The following MTNAP1 variants were observed in gnomAD, a reference collection of about 807,000 sequenced individuals.
The protein encoded by MTNAP1 is mitochondrial nucleoid associated protein 1, also known as mitochondrial nucleoid-associated protein 1.
At chr17:73,245,914 T>C in the MTNAP1 span, among the ~76,000 whole-genome samples, 1 of 152,200 alleles carries the variant, frequency 6.6e-6, no homozygotes, top group South Asian at 2.1e-4. Flanking sequence ...CAAGAGTTTC[T>C]GTGCATTACT....
the MTNAP1 span, among the ~76,000 whole-genome samples, chr17:73,233,568 C>T: frequency 6.6e-6 from 1 of 152,198 alleles, no homozygotes; most frequent in African/African-American, 2.4e-5. Flanking sequence ...TGGCTCACGC[C>T]TGTAATCCCA....
the MTNAP1 span, among the ~76,000 whole-genome samples, chr17:73,238,102 G>A: frequency 2.0e-5 from 3 of 151,996 alleles, no homozygotes; most frequent in African/African-American, 2.4e-5. Flanking sequence ...GGCTGGAATC[G>A]GTTAACAGGA....
At chr17:73,239,295 T>C in the MTNAP1 span, among the ~76,000 whole-genome samples, 2 of 152,156 alleles carry the variant, frequency 1.3e-5, no homozygotes, top group East Asian at 1.9e-4. Context: ...CTCTACCAAA[T>C]TGAAGGACTT....
the MTNAP1 span, chr17:73,245,219 G>A: frequency 6.2e-7 from 1 of 1,612,938 alleles, no homozygotes; most frequent in Non-Finnish European, 8.5e-7. Flanking sequence ...TTAAAGCTCT[G>A]GAACAGCAAA....
the MTNAP1 span, chr17:73,245,495 A>G: frequency 4.1e-6 from 4 of 985,398 alleles, no homozygotes; most frequent in African/African-American, 7.0e-5. Flanking sequence ...GAAGATGACA[A>G]AGTTCATCAC....
chr17:73,232,636 T>C, the MTNAP1 span: 2 of 211,686 alleles, frequency 9.4e-6, no homozygotes, highest in East Asian at 1.0e-4. Flanking sequence ...CGAGGTTCCT[T>C]GGCCGGGGGT....
chr17:73,236,640 A>G, the MTNAP1 span: 3 of 1,614,234 alleles, frequency 1.9e-6, no homozygotes, highest in East Asian at 2.2e-5. Context: ...TTCTTCAAGA[A>G]AAGAAAGCAG....
chr17:73,234,488 T>G, the MTNAP1 span, among the ~76,000 whole-genome samples: 1 of 151,854 alleles, frequency 6.6e-6, no homozygotes, highest in African/African-American at 2.4e-5. Flanking sequence ...GTCAGGAGAT[T>G]GAGACCATCC....
chr17:73,242,609 T>C, the MTNAP1 span, among the ~76,000 whole-genome samples: 3 of 152,168 alleles, frequency 2.0e-5, no homozygotes, highest in African/African-American at 4.8e-5. Flanking sequence ...CCCACATTGA[T>C]TGTGCCTCCT....
chr17:73,245,224 A>C, the MTNAP1 span: 1 of 1,613,094 alleles, frequency 6.2e-7, no homozygotes. Context: ...GCTCTGGAAC[A>C]GCAAAGGGCG....
the MTNAP1 span, chr17:73,247,128 T>G: frequency 1.2e-5 from 10 of 861,612 alleles, no homozygotes; most frequent in East Asian, 2.6e-5. Flanking sequence ...GCCCTGCTCA[T>G]TTGGTTAGGT....
chr17:73,232,673 G>C, the MTNAP1 span: 11 of 215,012 alleles, frequency 5.1e-5, no homozygotes, highest in South Asian at 1.5e-4. Context: ...GGGCTTCCCT[G>C]GGGGGCTTGT....
At chr17:73,248,746 G>C in the MTNAP1 span, 1 of 531,048 alleles carries the variant, frequency 1.9e-6, no homozygotes, top group Non-Finnish European at 3.3e-6. Flanking sequence ...TGTGTAAGTG[G>C]ATTAACCTCG....
the MTNAP1 span, among the ~76,000 whole-genome samples, chr17:73,241,470 C>T: frequency 4.6e-5 from 7 of 152,158 alleles, no homozygotes. Context: ...CATAAGCCCT[C>T]TTTTCTGGTT....
At chr17:73,238,756 A>G in the MTNAP1 span, among the ~76,000 whole-genome samples, 46 of 152,316 alleles carry the variant, frequency 3.0e-4, no homozygotes, top group Admixed American at 2.6e-3. Flanking sequence ...ATGATGAAAC[A>G]GGCACAGAGA....
At chr17:73,247,117 A>T in the MTNAP1 span, 1 of 794,486 alleles carries the variant, frequency 1.3e-6, no homozygotes. Flanking sequence ...TACAAAAACA[A>T]GCCCTGCTCA....
the MTNAP1 span, among the ~76,000 whole-genome samples, chr17:73,243,950 A>T: frequency 2.6e-5 from 4 of 152,148 alleles, no homozygotes. Flanking sequence ...TTGAAACCAA[A>T]CACCTTTACA....
chr17:73,232,592 G>A, the MTNAP1 span: 12 of 363,400 alleles, frequency 3.3e-5, no homozygotes, highest in Non-Finnish European at 4.9e-5. Flanking sequence ...TTTAAAACAG[G>A]CGGACCTATC....
At chr17:73,246,914 G>T in the MTNAP1 span, among the ~76,000 whole-genome samples, 4 of 152,076 alleles carry the variant, frequency 2.6e-5, no homozygotes, top group Non-Finnish European at 5.9e-5. Flanking sequence ...GATGCTTAAG[G>T]ATTCTCTCCA....
Sources: allele counts gnomAD v4.1 joint callset (sites outside exome capture counted in the v4.1 genomes callset), GRCh38; gene constraint gnomAD v4.1.1; transcripts MANE v1.5; gene names NCBI Gene and HGNC (gene_info 2026-07-23, HGNC 2026-07-21).